M1AP: variants seen among roughly 807,000 people sequenced by gnomAD.
M1AP encodes meiosis 1 arrest protein.
A neutral mutation model predicts 51.2 loss-of-function variants in M1AP; 39 were observed. That is an observed-to-expected ratio of 0.76 (90% confidence interval 0.59 to 1.00). The LOEUF is 1.00. Ranked by LOEUF, M1AP falls within the 50% of genes least tolerant of loss-of-function variation. The probability of loss-of-function intolerance (pLI) is 0.00; values close to 1 mark genes in which losing one functional copy is unlikely to be tolerated. For synonymous variants in M1AP, 251 were observed against 249.2 expected, an observed-to-expected ratio of 1.01 and a Z score of -0.07; for missense variants, 545 against 641.2, an observed-to-expected ratio of 0.85 and a Z score of 1.62.
chr2:74,561,232 A>C, intron 8 of M1AP, among the ~76,000 whole-genome samples: 1 of 34,242 alleles, frequency 2.9e-5, no homozygotes, highest in East Asian at 7.5e-4. Flanking sequence ...GGAGGAGGAG[A>C]AGGAGGAGGA....
intron 4 of M1AP, among the ~76,000 whole-genome samples, chr2:74,605,900 CAA>C (rs1255588829): frequency 9.0e-5 from 11 of 122,476 alleles, no homozygotes; most frequent in African/African-American, 5.9e-5. Flanking sequence ...GACTCCATCT[CAA>C]AAAAAAAAAA....
At chr2:74,593,046 C>T (rs1680138023) in intron 4 of M1AP, among the ~76,000 whole-genome samples, 1 of 152,166 alleles carries the variant, frequency 6.6e-6, no homozygotes, top group Non-Finnish European at 1.5e-5. Flanking sequence ...AGAAAGTGGC[C>T]AGATTGTCCC....
At chr2:74,620,944 G>T in intron 2 of M1AP, 1 of 172,254 alleles carries the variant, frequency 5.8e-6, no homozygotes, top group Non-Finnish European at 1.3e-5. Context: ...TCCAGCTTGA[G>T]GGCTCTAGGA....
intron 2 of M1AP, among the ~76,000 whole-genome samples, chr2:74,624,950 G>A (rs1013782937): frequency 3.3e-5 from 5 of 152,132 alleles, no homozygotes; most frequent in African/African-American, 9.7e-5. Flanking sequence ...AAATATATAT[G>A]TAGGATAAGG....
chr2:74,585,873 C>T (rs1388308803), intron 4 of M1AP, among the ~76,000 whole-genome samples: 1 of 152,202 alleles, frequency 6.6e-6, no homozygotes, highest in African/African-American at 2.4e-5. Context: ...TCCATTTCTT[C>T]CCCTCCATTA....
chr2:74,646,150 A>C (rs1455970678), intron 1 of M1AP, among the ~76,000 whole-genome samples: 1 of 152,240 alleles, frequency 6.6e-6, no homozygotes, highest in East Asian at 1.9e-4. Flanking sequence ...GTGACCCGTC[A>C]CTGCAGATCC....
rs182237977 is a variant in M1AP at position 74,581,795 on chromosome 2, G to A, written c.648C>T (p.Ile216=). Residue 216 remains isoleucine (I), a synonymous_variant, in exon 5 of 11, where the codon ATC becomes ATT. Coordinates refer to ENST00000421985, the MANE Select transcript of M1AP (RefSeq NM_001321739.2). Reference sequence around the variant, plus strand: ...CTTTGAAGAAAATCTCCATGCTGACGATATCATTGTCTATAGTCTGAAGGT... The same window carrying A: ...CTTTGAAGAAAATCTCCATGCTGACAATATCATTGTCTATAGTCTGAAGGT... The part of the protein sequence containing the change: ...DIDLQTIDND[I]VSMEIFFKAW... 8.7e-6 allele frequency: 14 copies of A among 1,613,880 alleles called. No individual in the cohort carries two copies. The East Asian group carries it at 2.2e-4, about 26-fold the overall frequency.
intron 7 of M1AP, among the ~76,000 whole-genome samples, chr2:74,571,331 G>A (rs917066213): frequency 6.6e-6 from 1 of 152,204 alleles, no homozygotes; most frequent in Non-Finnish European, 1.5e-5. Flanking sequence ...ACTAGACAAT[G>A]GCGGTGCTGC....
At chr2:74,570,337 A>G (rs1226374324) in intron 7 of M1AP, among the ~76,000 whole-genome samples, 1 of 152,148 alleles carries the variant, frequency 6.6e-6, no homozygotes, top group Admixed American at 6.5e-5. Context: ...CTCCTCCAAA[A>G]AGAGAAGTAA....
intron 2 of M1AP, among the ~76,000 whole-genome samples, chr2:74,638,211 T>G (rs1313637402): frequency 6.6e-6 from 1 of 152,054 alleles, no homozygotes; most frequent in Admixed American, 6.5e-5. Flanking sequence ...GCCGCCATCA[T>G]GCCTGGATAA....
chr2:74,614,846 C>A, intron 3 of M1AP, 118 bp downstream of exon 3: 1 of 919,758 alleles, frequency 1.1e-6, no homozygotes, highest in South Asian at 1.7e-5. Context: ...GAAAATCTTG[C>A]TTTGAATATT....
intron 2 of M1AP, among the ~76,000 whole-genome samples, chr2:74,636,414 C>T (rs1179272407): frequency 7.2e-5 from 11 of 151,820 alleles, no homozygotes; most frequent in Non-Finnish European, 1.3e-4. Flanking sequence ...TCTGCCAAGC[C>T]CTTTCTTTTA....
chr2:74,572,626 A>G (rs1558651862), intron 7 of M1AP, among the ~76,000 whole-genome samples: 1 of 152,190 alleles, frequency 6.6e-6, no homozygotes, highest in Non-Finnish European at 1.5e-5. Flanking sequence ...AAACTCTGAC[A>G]AGACTACTTT....
intron 2 of M1AP, among the ~76,000 whole-genome samples, chr2:74,635,537 T>G (rs940055779): frequency 2.6e-5 from 4 of 152,096 alleles, no homozygotes; most frequent in Non-Finnish European, 5.9e-5. Flanking sequence ...TTGCTTTTCC[T>G]TTTCTAGTTT....
chr2:74,599,558 G>A (rs534983399), intron 4 of M1AP, among the ~76,000 whole-genome samples: 2 of 152,114 alleles, frequency 1.3e-5, no homozygotes, highest in Non-Finnish European at 2.9e-5. Flanking sequence ...CACATATCAA[G>A]TTTTCATGTG....
chr2:74,598,929 T>A (rs970450165), intron 4 of M1AP, among the ~76,000 whole-genome samples: 2 of 152,074 alleles, frequency 1.3e-5, no homozygotes, highest in African/African-American at 4.8e-5. Context: ...GCCATTTTCA[T>A]GTATACTTTG....
chr2:74,639,085 G>A (rs918064925), intron 2 of M1AP, among the ~76,000 whole-genome samples: 4 of 152,146 alleles, frequency 2.6e-5, no homozygotes, highest in Non-Finnish European at 5.9e-5. Context: ...ACCATGAGTT[G>A]TTATAAGCCT....
At chr2:74,595,772 G>T (rs924004717) in intron 4 of M1AP, among the ~76,000 whole-genome samples, 25 of 152,230 alleles carry the variant, frequency 1.6e-4, no homozygotes, top group African/African-American at 3.4e-4. Flanking sequence ...TACATGAAAT[G>T]GTACTATATA....
intron 1 of M1AP, among the ~76,000 whole-genome samples, chr2:74,644,279 C>T (rs1448857479): frequency 6.6e-6 from 1 of 152,206 alleles, no homozygotes; most frequent in African/African-American, 2.4e-5. Flanking sequence ...GTGGCTCACG[C>T]CTGTAATCCG....
Sources: gnomAD v4.1 joint callset for allele counts (sites outside exome capture counted in the v4.1 genomes callset) on GRCh38, gnomAD v4.1.1 for gene constraint, MANE v1.5 for transcripts, NCBI Gene and HGNC (gene_info 2026-07-23, HGNC 2026-07-21) for gene names.